The following CDC20B variants were observed in gnomAD, a reference collection of about 807,000 sequenced individuals.
CDC20B encodes the protein cell division cycle protein 20 homolog B.
Under a neutral mutation model 64.1 loss-of-function variants are expected in CDC20B, and 58 were observed. The ratio of observed to expected loss-of-function variants is 0.90; its 90% CI spans 0.73 to 1.13. The LOEUF is 1.13. Among genes scored for constraint, CDC20B ranks in the 50% most tolerant of loss-of-function variants. The probability of loss-of-function intolerance (pLI) is 0.00; values close to 1 mark genes in which losing one functional copy is unlikely to be tolerated. For synonymous variants in CDC20B, 243 were observed against 230.6 expected, an observed-to-expected ratio of 1.05 and a Z score of -0.49; for missense variants, 597 against 633.0, an observed-to-expected ratio of 0.94 and a Z score of 0.61.
chr5:55,153,302 C>T (rs1580359379), intron 2 of CDC20B, among the ~76,000 whole-genome samples: 2 of 146,240 alleles, frequency 1.4e-5, no homozygotes, highest in African/African-American at 5.1e-5. Flanking sequence ...ATAAACATTT[C>T]TGCAGAAATT....
intron 2 of CDC20B, among the ~76,000 whole-genome samples, chr5:55,162,514 G>C (rs182782996): frequency 1.3e-5 from 2 of 152,150 alleles, no homozygotes; most frequent in Non-Finnish European, 2.9e-5. Context: ...CCTCACTCAG[G>C]CAATCAAGCT....
In CDC20B at chr5:55,124,969, C is replaced by T. The variant is rs574410556; in HGVS notation, c.1049G>A (p.Gly350Glu). ...HDVRVAQHHV[G>E]TLRHKQAVCA... ...CACAGCTTGCTTGTGGCGAAGTGTT[C>T]CAACATGATGCTGGGCTACCCGAAC... The change falls in exon 9 of 12, where the codon GGA (glycine) becomes GAA (glutamate). Residue 350 changes from glycine to glutamate, a missense_variant. Around this residue, in one of 3 missense-constraint regions of CDC20B, gnomAD observed 353 missense variants for 397.0 expected, o/e 0.89. Coordinates refer to ENST00000381375, the MANE Select transcript of CDC20B (RefSeq NM_001170402.1). 1.2e-6 allele frequency: 2 copies of T among 1,614,154 alleles called. No individual in the cohort carries two copies. Among genetic ancestry groups the T allele is most frequent in the African/African-American group, 1.3e-5 (1 of 75,032 alleles).
chr5:55,143,883 C>A (rs1743399565), intron 3 of CDC20B, among the ~76,000 whole-genome samples: 1 of 151,780 alleles, frequency 6.6e-6, no homozygotes, highest in Non-Finnish European at 1.5e-5. Flanking sequence ...ATAAGGTTGT[C>A]ACTCAATGAG....
At chr5:55,148,787 G>T (rs1263991727) in intron 2 of CDC20B, among the ~76,000 whole-genome samples, 1 of 152,258 alleles carries the variant, frequency 6.6e-6, no homozygotes, top group Non-Finnish European at 1.5e-5. Flanking sequence ...TACTATGTAT[G>T]AAACCATATG....
At chr5:55,172,883 GCCTTC>G in intron 1 of CDC20B, 50 bp downstream of exon 1, 1 of 1,490,042 alleles carries the variant, frequency 6.7e-7, no homozygotes, top group Non-Finnish European at 9.1e-7. Context: ...TATGAACGGG[GCCTTC>G]GGCCCCGCAT....
intron 4 of CDC20B, 95 bp downstream of exon 4, chr5:55,143,418 G>A: frequency 2.4e-6 from 3 of 1,242,284 alleles, no homozygotes; most frequent in Non-Finnish European, 2.2e-6. Flanking sequence ...CTTATTGATT[G>A]GTAAGAGAAC....
intron 2 of CDC20B, among the ~76,000 whole-genome samples, chr5:55,150,076 G>A (rs759820162): frequency 2.6e-5 from 4 of 152,086 alleles, no homozygotes; most frequent in Non-Finnish European, 5.9e-5. Context: ...AGGTTGCAGT[G>A]AGCCGAGATC....
At chr5:55,140,932 G>A (rs941728638) in intron 4 of CDC20B, among the ~76,000 whole-genome samples, 5 of 152,080 alleles carry the variant, frequency 3.3e-5, no homozygotes, top group African/African-American at 1.2e-4. Context: ...AGTAATAAGT[G>A]GAAAGAAAAA....
In CDC20B at chr5:55,164,092, G is replaced by T. The variant is rs758275498; in HGVS notation, c.126+8496C>A. On this transcript the variant is annotated intron_variant, in intron 2 of 11. Coordinates refer to ENST00000381375, the MANE Select transcript of CDC20B (RefSeq NM_001170402.1). ...AGGAACCAAGGTGGAATTTTTGGAA[G>T]TATCTTGTCAACCCTGAGGGTCAAG... 3 of 1,598,368 alleles carry T rather than the reference G, an allele frequency of 1.9e-6. No homozygotes were observed. In the South Asian group the frequency reaches 3.4e-5, roughly 18 times the overall value.
intron 5 of CDC20B, chr5:55,137,251 C>T: frequency 4.2e-6 from 1 of 239,148 alleles, no homozygotes; most frequent in Non-Finnish European, 8.5e-6. Flanking sequence ...CTAGAAATTG[C>T]CACAGGCAAT....
At chr5:55,143,419 G>T in intron 4 of CDC20B, 94 bp downstream of exon 4, 1 of 1,277,844 alleles carries the variant, frequency 7.8e-7, no homozygotes, top group Non-Finnish European at 1.0e-6. Flanking sequence ...TTATTGATTG[G>T]TAAGAGAACT....
intron 2 of CDC20B, chr5:55,161,062 A>G (rs759765643): frequency 1.2e-6 from 2 of 1,614,176 alleles, no homozygotes; most frequent in Non-Finnish European, 1.7e-6. Context: ...GGCTGAAGGA[A>G]CTGCACAAAG....
chr5:55,164,164 T>A (rs763243171), intron 2 of CDC20B: 3 of 1,597,506 alleles, frequency 1.9e-6, no homozygotes, highest in Non-Finnish European at 2.6e-6. Flanking sequence ...TCATCAGGCC[T>A]GACATAGCAG....
chr5:55,123,633 C>G (rs1236211931), intron 9 of CDC20B, among the ~76,000 whole-genome samples: 1 of 152,144 alleles, frequency 6.6e-6, no homozygotes, highest in African/African-American at 2.4e-5. Context: ...CGGAGACTCT[C>G]TCTTAGTGAA....
chr5:55,126,561 T>C (rs943498347), intron 8 of CDC20B: 1 of 183,894 alleles, frequency 5.4e-6, no homozygotes, highest in Non-Finnish European at 1.2e-5. Flanking sequence ...ATGGCTATGA[T>C]TAAAAGCAAT....
At chr5:55,161,321 A>G (rs1744050490) in intron 2 of CDC20B, 1 of 1,395,558 alleles carries the variant, frequency 7.2e-7, no homozygotes. Flanking sequence ...ATACCAGGAC[A>G]ATACTTTCCT....
At chr5:55,166,502 CG>C (rs1229928373) in intron 2 of CDC20B, 1 of 152,142 alleles carries the variant, frequency 6.6e-6, no homozygotes, top group African/African-American at 2.4e-5. Flanking sequence ...GGTGTCCCTT[CG>C]GGGTTCTGTA....
chr5:55,156,853 G>A (rs538144580), intron 2 of CDC20B, among the ~76,000 whole-genome samples: 63 of 152,266 alleles, frequency 4.1e-4, no homozygotes, highest in South Asian at 1.0e-3. Flanking sequence ...CAGTCTAGCC[G>A]ACAGAGTGAG....
chr5:55,150,079 CCGAGAT>C (rs1743619214), intron 2 of CDC20B, among the ~76,000 whole-genome samples: 1 of 152,082 alleles, frequency 6.6e-6, no homozygotes, highest in Non-Finnish European at 1.5e-5. Context: ...TTGCAGTGAG[CCGAGAT>C]CGCACCATTG....
Sources: gnomAD v4.1 joint callset for allele counts (sites outside exome capture counted in the v4.1 genomes callset) on GRCh38, gnomAD v4.1.1 for gene constraint, gnomAD v4.1.1 regional missense constraint, MANE v1.5 for transcripts, NCBI Gene and HGNC (gene_info 2026-07-23, HGNC 2026-07-21) for gene names.